Variants in SUGCT observed in about 807,000 individuals in gnomAD.
SUGCT encodes the protein succinyl-CoA:glutarate-CoA transferase, also known as succinyl-CoA:glutarate CoA-transferase.
SUGCT carries 41 observed loss-of-function variants against 55.0 expected under a neutral mutation model. The ratio of observed to expected loss-of-function variants is 0.74; its 90% CI spans 0.58 to 0.97. SUGCT has a LOEUF of 0.97. Ranked by LOEUF, SUGCT falls within the 50% of genes least tolerant of loss-of-function variation. SUGCT has a pLI of 0.00. For synonymous variants in SUGCT, 187 were observed against 200.4 expected, an observed-to-expected ratio of 0.93 and a Z score of 0.56; for missense variants, 568 against 547.8, an observed-to-expected ratio of 1.04 and a Z score of -0.37.
chr7:40,553,118 T>A (rs1166102045), intron 12 of SUGCT, among the ~76,000 whole-genome samples: 2 of 152,214 alleles, frequency 1.3e-5, no homozygotes, highest in African/African-American at 4.8e-5. Context: ...ATAATTACTT[T>A]TGGACTTGTG....
At chr7:40,543,428 AAC>A (rs1462730074) in intron 12 of SUGCT, among the ~76,000 whole-genome samples, 2 of 152,254 alleles carry the variant, frequency 1.3e-5, no homozygotes, top group Non-Finnish European at 2.9e-5. Flanking sequence ...TGAAGGCTGC[AAC>A]ACACAGACTG....
intron 1 of SUGCT, among the ~76,000 whole-genome samples, chr7:40,178,099 A>G (rs1177493064): frequency 1.3e-5 from 2 of 152,202 alleles, no homozygotes; most frequent in Non-Finnish European, 2.9e-5. Flanking sequence ...AGTGAGGCTC[A>G]TATACTGCGG....
chr7:40,505,788 T>C (rs529003596), intron 12 of SUGCT, among the ~76,000 whole-genome samples: 22 of 152,184 alleles, frequency 1.4e-4, no homozygotes, highest in Non-Finnish European at 2.8e-4. Context: ...TAAGAGCAAG[T>C]CTATATTGAT....
chr7:40,704,064 G>A (rs1270856191), intron 12 of SUGCT, among the ~76,000 whole-genome samples: 1 of 152,220 alleles, frequency 6.6e-6, no homozygotes, highest in East Asian at 1.9e-4. Context: ...ACAACAAGGT[G>A]TCCAAAAGCT....
the SUGCT span, chr7:40,968,332 C>T: frequency 9.2e-5 from 14 of 152,224 alleles, no homozygotes; most frequent in Non-Finnish European, 1.3e-4. Context: ...TGAAACCAAA[C>T]AGTGGAACCG....
At chr7:40,601,818 C>A (rs995715789) in intron 12 of SUGCT, among the ~76,000 whole-genome samples, 1 of 151,812 alleles carries the variant, frequency 6.6e-6, no homozygotes, top group African/African-American at 2.4e-5. Flanking sequence ...CAAATGTAGC[C>A]CAGGGAAGCC....
chr7:40,746,650 G>GA (rs147436292), intron 12 of SUGCT, among the ~76,000 whole-genome samples: 2,671 of 152,308 alleles, frequency 0.018, 85 homozygotes, highest in African/African-American at 0.061. Context: ...TAGGGGTGGA[G>GA]AAAGTACGCT....
At chr7:41,028,503 C>T in the SUGCT span, among the ~76,000 whole-genome samples, 165 of 152,272 alleles carry the variant, frequency 1.1e-3, 1 homozygote, top group East Asian at 0.031. Flanking sequence ...ACGGAGTGCA[C>T]TTACACAAAC....
At position 40,705,827 on chromosome 7, in the gene SUGCT, TC is replaced by T. The variant is rs540089847; in HGVS notation, c.1090-43605del. Among the ~76,000 whole-genome samples, 505 of 152,284 alleles carry T rather than the reference TC, an allele frequency of 3.3e-3. 2 individuals are homozygous for T. The highest frequency in any genetic ancestry group is 0.011 in the African/African-American group (469 of 41,532). ...GCACCATCTTCTGCACCCTGGCGGC[TC>T]CTTTCCATGGTGGCATATCTCAGAA... On this transcript the variant is annotated intron_variant, in intron 12 of 13. Coordinates refer to ENST00000335693, the MANE Select transcript of SUGCT (RefSeq NM_001193313.2).
chr7:40,896,464 G>A, the SUGCT span, among the ~76,000 whole-genome samples: 3 of 152,106 alleles, frequency 2.0e-5, no homozygotes, highest in Non-Finnish European at 2.9e-5. Context: ...CAATCCCCAC[G>A]TGTTGTGGGA....
intron 11 of SUGCT, among the ~76,000 whole-genome samples, chr7:40,491,168 A>C (rs1252580663): frequency 6.6e-6 from 1 of 152,222 alleles, no homozygotes; most frequent in East Asian, 1.9e-4. Context: ...GTGTGAGAGA[A>C]GATAGTGGTA....
intron 6 of SUGCT, among the ~76,000 whole-genome samples, chr7:40,231,153 A>G (rs915366074): frequency 2.6e-5 from 4 of 152,326 alleles, no homozygotes; most frequent in Admixed American, 1.3e-4. Flanking sequence ...CTCAGTTGCC[A>G]GGAGTCCTCT....
intron 13 of SUGCT, among the ~76,000 whole-genome samples, chr7:40,836,892 T>A (rs1793011196): frequency 6.6e-6 from 1 of 152,166 alleles, no homozygotes; most frequent in African/African-American, 2.4e-5. Context: ...GCATTACATA[T>A]GAACATTCAT....
At chr7:40,952,324 C>T in the SUGCT span, among the ~76,000 whole-genome samples, 5 of 152,192 alleles carry the variant, frequency 3.3e-5, no homozygotes, top group South Asian at 1.0e-3. Flanking sequence ...TCCCCCATCC[C>T]TTTATTTTGA....
the SUGCT span, among the ~76,000 whole-genome samples, chr7:40,928,296 C>A: frequency 6.6e-6 from 1 of 151,954 alleles, no homozygotes; most frequent in Non-Finnish European, 1.5e-5. Context: ...TATGTTGGAA[C>A]TTCTCAATCT....
At position 40,804,442 on chromosome 7, in the gene SUGCT, C is replaced by T. The variant is rs559356438; in HGVS notation, c.1153+54945C>T. On this transcript the variant is annotated intron_variant, in intron 13 of 13. Transcript: ENST00000335693. Reference sequence around the variant, plus strand: ...ATAAATATCTCTTAGATAATATGAGCTTTAAGAGGAGGAATCATGGGGATG... The same window carrying T: ...ATAAATATCTCTTAGATAATATGAGTTTTAAGAGGAGGAATCATGGGGATG... Among the ~76,000 whole-genome samples, 21 of 152,042 alleles carry T rather than the reference C, an allele frequency of 1.4e-4. No homozygotes were observed. In the East Asian group the frequency reaches 3.9e-3, roughly 28 times the overall value.
intron 12 of SUGCT, chr7:40,684,281 A>G (rs964623967): frequency 2.5e-6 from 3 of 1,185,254 alleles, no homozygotes; most frequent in Non-Finnish European, 3.3e-6. Flanking sequence ...AGGACATAGC[A>G]TCTTTGGGGA....
chr7:40,989,642 G>A, the SUGCT span, among the ~76,000 whole-genome samples: 54 of 152,086 alleles, frequency 3.6e-4, no homozygotes, highest in South Asian at 8.1e-3. Flanking sequence ...CTGGTGGTGT[G>A]GGCCTGTAAT....
At chr7:40,587,903 GTT>G (rs376387507) in intron 12 of SUGCT, among the ~76,000 whole-genome samples, 3 of 133,996 alleles carry the variant, frequency 2.2e-5, no homozygotes, top group African/African-American at 5.4e-5. Flanking sequence ...CTTTCTTTCT[GTT>G]TTTTTTTTTT....
Sources: allele counts gnomAD v4.1 joint callset (sites outside exome capture counted in the v4.1 genomes callset), GRCh38; gene constraint gnomAD v4.1.1; transcripts MANE v1.5; gene names NCBI Gene and HGNC (gene_info 2026-07-23, HGNC 2026-07-21).